Variants in CREB5 observed in about 807,000 individuals in gnomAD.
The protein encoded by CREB5 is cyclic AMP-responsive element-binding protein 5.
Under a neutral mutation model 57.1 loss-of-function variants are expected in CREB5, and 19 were observed. That is an observed-to-expected ratio of 0.33 (90% CI 0.23 to 0.49). The LOEUF (loss-of-function observed/expected upper bound fraction) is 0.49. Ranked by LOEUF, CREB5 falls within the 20% of genes least tolerant of loss-of-function variation. CREB5 has a pLI of 0.99. For missense variants in CREB5, 579 were observed against 671.6 expected (o/e 0.86, Z 1.52); for synonymous variants, 238 against 238.3 (o/e 1.00, Z 0.01).
At chr7:28,453,452 C>G (rs796224031) in intron 1 of CREB5, among the ~76,000 whole-genome samples, 5 of 152,248 alleles carry the variant, frequency 3.3e-5, no homozygotes, top group African/African-American at 1.2e-4. Context: ...ACAACAACAA[C>G]AACAAAACCC....
intron 5 of CREB5, among the ~76,000 whole-genome samples, chr7:28,628,362 G>T (rs1294209965): frequency 6.6e-6 from 1 of 152,106 alleles, no homozygotes; most frequent in Non-Finnish European, 1.5e-5. Flanking sequence ...CCTGCTTATT[G>T]TCTGTCTCCT....
intron 1 of CREB5, among the ~76,000 whole-genome samples, chr7:28,439,138 C>T (rs1297732219): frequency 6.6e-6 from 1 of 152,174 alleles, no homozygotes; most frequent in African/African-American, 2.4e-5. Flanking sequence ...TTTATGTCTA[C>T]ATCCTGAATA....
At chr7:28,389,952 G>C (rs1787183126) in intron 1 of CREB5, among the ~76,000 whole-genome samples, 1 of 151,806 alleles carries the variant, frequency 6.6e-6, no homozygotes, top group Non-Finnish European at 1.5e-5. Flanking sequence ...CTTTGAGAAA[G>C]TCCAGCTTCT....
intron 5 of CREB5, among the ~76,000 whole-genome samples, chr7:28,707,039 A>T (rs907030862): frequency 2.0e-5 from 3 of 152,042 alleles, no homozygotes; most frequent in Non-Finnish European, 4.4e-5. Context: ...AGAGACTGGT[A>T]CCTGCTGTAA....
chr7:28,746,639 G>T (rs1005327939), intron 7 of CREB5, among the ~76,000 whole-genome samples: 1 of 152,206 alleles, frequency 6.6e-6, no homozygotes, highest in African/African-American at 2.4e-5. Flanking sequence ...TTTAGCAGTT[G>T]TTAGAGGCGA....
chr7:28,818,238 G>T, intron 10 of CREB5, 59 bp downstream of exon 10: 1 of 1,230,568 alleles, frequency 8.1e-7, no homozygotes, highest in Non-Finnish European at 1.2e-6. Context: ...CACTAAGTTT[G>T]CACTGAATTT....
chr7:28,366,711 T>C (rs569706204), intron 1 of CREB5, among the ~76,000 whole-genome samples: 3 of 152,238 alleles, frequency 2.0e-5, no homozygotes, highest in Non-Finnish European at 4.4e-5. Flanking sequence ...AAGCAAAACA[T>C]TGGACATCCT....
chr7:28,417,786 A>C (rs1171037535), intron 1 of CREB5, among the ~76,000 whole-genome samples: 1 of 152,230 alleles, frequency 6.6e-6, no homozygotes, highest in Non-Finnish European at 1.5e-5. Flanking sequence ...CAGTTGTTAC[A>C]AGCATGCTGC....
intron 1 of CREB5, among the ~76,000 whole-genome samples, chr7:28,329,192 G>GGGAACCACCATTCTATCTCAT (rs1219789408): frequency 6.6e-6 from 1 of 152,162 alleles, no homozygotes; most frequent in East Asian, 1.9e-4. Context: ...CTCACAGAAA[G>GGGAACCACCATTCTATCTCAT]GGAACCACCA....
chr7:28,454,109 A>C (rs1383089090), intron 1 of CREB5, among the ~76,000 whole-genome samples: 71 of 151,996 alleles, frequency 4.7e-4, no homozygotes, highest in Non-Finnish European at 7.5e-4. Context: ...ACTCGCCACC[A>C]CACCTGGCTA....
chr7:28,581,251 T>C (rs948078682), intron 5 of CREB5, among the ~76,000 whole-genome samples: 1 of 152,196 alleles, frequency 6.6e-6, no homozygotes, highest in Non-Finnish European at 1.5e-5. Context: ...TTTGTATTAT[T>C]TCTTCTTTCC....
intron 7 of CREB5, among the ~76,000 whole-genome samples, chr7:28,768,744 G>T (rs905014924): frequency 2.6e-5 from 4 of 152,156 alleles, no homozygotes; most frequent in Non-Finnish European, 5.9e-5. Context: ...ACTGAAATTT[G>T]GTCATGAGTC....
At chr7:28,343,084 G>C (rs1402933416) in intron 1 of CREB5, among the ~76,000 whole-genome samples, 2 of 151,976 alleles carry the variant, frequency 1.3e-5, no homozygotes, top group Non-Finnish European at 2.9e-5. Context: ...GGGACTACAG[G>C]TACCCGCCAC....
At chr7:28,662,095 C>T (rs915086776) in intron 5 of CREB5, among the ~76,000 whole-genome samples, 6 of 152,160 alleles carry the variant, frequency 3.9e-5, no homozygotes, top group African/African-American at 1.4e-4. Context: ...GCTCTTCTAG[C>T]GGCCTAGACC....
intron 5 of CREB5, among the ~76,000 whole-genome samples, chr7:28,627,613 C>A (rs144145252): frequency 6.6e-6 from 1 of 152,282 alleles, no homozygotes; most frequent in East Asian, 1.9e-4. Context: ...CTCCCATGAC[C>A]TGCCTCTTGA....
At chr7:28,477,928 A>G (rs1791151055) in intron 1 of CREB5, among the ~76,000 whole-genome samples, 2 of 152,152 alleles carry the variant, frequency 1.3e-5, no homozygotes, top group South Asian at 4.2e-4. Context: ...CAGCCTGGGC[A>G]ACACAGGGAG....
At chr7:28,435,106 TTTC>T (rs1788898153) in intron 1 of CREB5, among the ~76,000 whole-genome samples, 1 of 151,312 alleles carries the variant, frequency 6.6e-6, no homozygotes, top group Non-Finnish European at 1.5e-5. Context: ...TTTTTTTTTT[TTTC>T]CTCCCTCACT....
intron 1 of CREB5, among the ~76,000 whole-genome samples, chr7:28,372,170 G>A (rs1212284523): frequency 1.3e-5 from 2 of 152,142 alleles, no homozygotes; most frequent in Non-Finnish European, 2.9e-5. Context: ...CCTCAAGAAA[G>A]GCAGATTGAT....
At chr7:28,365,053 C>T (rs1295617452) in intron 1 of CREB5, among the ~76,000 whole-genome samples, 1 of 152,120 alleles carries the variant, frequency 6.6e-6, no homozygotes, top group Non-Finnish European at 1.5e-5. Flanking sequence ...TTAGCTTTAT[C>T]ACCTCTAATT....
Sources: allele counts gnomAD v4.1 joint callset (sites outside exome capture counted in the v4.1 genomes callset), GRCh38; gene constraint gnomAD v4.1.1; transcripts MANE v1.5; gene names NCBI Gene and HGNC (gene_info 2026-07-23, HGNC 2026-07-21).